Variants in GCH1 observed in about 807,000 individuals in gnomAD.
The protein encoded by GCH1 is GTP cyclohydrolase 1.
In GCH1, 5 loss-of-function variants were observed where a neutral mutation model predicts 25.9. The ratio of observed to expected loss-of-function variants is 0.19; its 90% CI spans 0.10 to 0.41. The LOEUF (loss-of-function observed/expected upper bound fraction) is 0.41. Ranked by LOEUF, GCH1 falls within the 10% of genes least tolerant of loss-of-function variation. GCH1 has a pLI of 1.00. For missense variants in GCH1, 261 were observed against 336.5 expected, an observed-to-expected ratio of 0.78 and a Z score of 1.75; for synonymous variants, 159 against 129.6, an observed-to-expected ratio of 1.23 and a Z score of -1.54.
At chr14:54,872,976 T>C (rs981637215) in intron 1 of GCH1, among the ~76,000 whole-genome samples, 2 of 151,278 alleles carry the variant, frequency 1.3e-5, no homozygotes, top group Admixed American at 6.6e-5. Context: ...TATCCAGGAA[T>C]TGAACTTAGC....
rs959966414 is a variant in GCH1, at chr14:54,869,810, C to G, written c.344-4374G>C. The stretch of plus-strand genomic sequence containing the variant: ...AAAAGTTTTCTAAAAAGCAAAAGGA[C>G]AATGTCCCTCAACTGGAACATATAA... On this transcript the variant is annotated intron_variant, in intron 1 of 5. Transcript: ENST00000491895. Among the ~76,000 whole-genome samples the G allele has an allele frequency of 2.6e-5, 4 of 152,182 alleles. No individual in the cohort carries two copies. In the East Asian group the frequency reaches 7.7e-4, roughly 29 times the overall value.
chr14:54,863,154 T>C (rs1673444697), intron 2 of GCH1, among the ~76,000 whole-genome samples: 2 of 152,048 alleles, frequency 1.3e-5, no homozygotes, highest in Admixed American at 6.6e-5. Flanking sequence ...GTGCGGTGGC[T>C]CACGCCTGTA....
intron 1 of GCH1, among the ~76,000 whole-genome samples, chr14:54,874,493 G>A (rs2040128951): frequency 6.6e-6 from 1 of 152,156 alleles, no homozygotes; most frequent in African/African-American, 2.4e-5. Flanking sequence ...TTCTGGCCAG[G>A]GCAATCAGGC....
At chr14:54,897,429 C>A (rs953047799) in intron 1 of GCH1, among the ~76,000 whole-genome samples, 3 of 152,042 alleles carry the variant, frequency 2.0e-5, no homozygotes, top group Admixed American at 2.0e-4. Flanking sequence ...GCTGGGATTA[C>A]AGGCATGCAC....
At chr14:54,873,241 A>C (rs1178907174) in intron 1 of GCH1, among the ~76,000 whole-genome samples, 1 of 152,232 alleles carries the variant, frequency 6.6e-6, no homozygotes, top group Non-Finnish European at 1.5e-5. Context: ...CTCCTGAATG[A>C]CTACTGGGTA....
chr14:54,875,145 AC>A (rs533426199), intron 1 of GCH1, among the ~76,000 whole-genome samples: 97 of 152,342 alleles, frequency 6.4e-4, no homozygotes, highest in African/African-American at 2.2e-3. Context: ...ATGGAACAGA[AC>A]ACAGCCCTCA....
intron 4 of GCH1, among the ~76,000 whole-genome samples, chr14:54,846,864 C>T (rs1328117493): frequency 2.0e-5 from 3 of 152,042 alleles, no homozygotes; most frequent in Non-Finnish European, 4.4e-5. Context: ...AGTTCGAGAC[C>T]AGCCTGATCA....
At position 54,859,716 on chromosome 14, in the gene GCH1, A is replaced by G. The variant is rs752768323; in HGVS notation, c.474T>C (p.Pro158=). 4 of 1,599,164 alleles carry G rather than the reference A, an allele frequency of 2.5e-6. No individual in the cohort carries two copies. The Admixed American group carries it at 6.7e-5, about 27-fold the overall frequency. ...FVGKVHIGYL[P]NKQVLGLSKL... ...TGCTGAGGCCAAGGACTTGCTTGTTAGGAAGATAACCAATATGGACCTTCA... is the reference window on the plus strand; with the variant it reads ...TGCTGAGGCCAAGGACTTGCTTGTTGGGAAGATAACCAATATGGACCTTCA... Residue 158 remains proline, a synonymous_variant, in exon 3 of 6, where the codon CCT becomes CCC. Transcript: ENST00000491895.
In GCH1 at chr14:54,846,013, C is replaced by A. The variant is rs1003521434; in HGVS notation, c.542-161G>T. Among the ~76,000 whole-genome samples, 4 of 152,160 alleles carry A rather than the reference C, an allele frequency of 2.6e-5. 1 individual carries two copies. The highest frequency in any genetic ancestry group is 5.9e-5 in the Non-Finnish European group (4 of 68,028). On this transcript the variant is annotated intron_variant, in intron 4 of 5. Coordinates refer to ENST00000491895, the MANE Select transcript of GCH1 (RefSeq NM_000161.3). ...AGACTGCTTTGTCTGCTGACTGGGC[C>A]ACAGAGAGGCCCGGATTCAACTCCC...
intron 1 of GCH1, among the ~76,000 whole-genome samples, chr14:54,888,519 T>G (rs1202611918): frequency 7.2e-6 from 1 of 139,480 alleles, no homozygotes; most frequent in Non-Finnish European, 1.5e-5. Context: ...CATACTAGTT[T>G]TTTTTTTTTT....
At chr14:54,870,450 A>G (rs2040054894) in intron 1 of GCH1, among the ~76,000 whole-genome samples, 1 of 151,350 alleles carries the variant, frequency 6.6e-6, no homozygotes, top group South Asian at 2.1e-4. Context: ...TGATTTCTGC[A>G]TTTCTAACTG....
rs1362834647 is a variant in GCH1, at chr14:54,842,178, T to G, written c.*1839A>C. The G allele has an allele frequency of 6.6e-6, 1 of 152,490 alleles. No individual in the cohort carries two copies. Among genetic ancestry groups the G allele is most frequent in the East Asian group, 1.9e-4 (1 of 5,198 alleles). The allele number at this position is 152,490 out of a possible 1,614,324, so 9.4% of individuals were successfully genotyped here. The stretch of plus-strand genomic sequence containing the variant: ...GATCATGGATATGAAAAGGTAATTT[T>G]GAAGTACTAAAGACTAGAGTAAAAC... On this transcript the variant is annotated 3_prime_UTR_variant, in exon 6 of 6. Coordinates refer to ENST00000491895, the MANE Select transcript of GCH1 (RefSeq NM_000161.3).
chr14:54,864,441 T>C (rs2039962884), intron 2 of GCH1, among the ~76,000 whole-genome samples: 1 of 152,146 alleles, frequency 6.6e-6, no homozygotes. Flanking sequence ...CTATACCACA[T>C]GTTCTCAAAG....
At chr14:54,856,429 T>G (rs1233575832) in intron 3 of GCH1, among the ~76,000 whole-genome samples, 1 of 152,120 alleles carries the variant, frequency 6.6e-6, no homozygotes, top group Non-Finnish European at 1.5e-5. Context: ...ATTCAAGATT[T>G]CGTACATTCA....
At chr14:54,896,594 C>T (rs1393521161) in intron 1 of GCH1, among the ~76,000 whole-genome samples, 2 of 152,060 alleles carry the variant, frequency 1.3e-5, no homozygotes, top group East Asian at 1.9e-4. Flanking sequence ...TGCACACACA[C>T]ACAATTATGC....
At chr14:54,846,192 C>T (rs1402273982) in intron 4 of GCH1, among the ~76,000 whole-genome samples, 4 of 152,188 alleles carry the variant, frequency 2.6e-5, no homozygotes, top group Non-Finnish European at 4.4e-5. Flanking sequence ...TAAAGTAGTG[C>T]AGCAAATAAA....
intron 3 of GCH1, among the ~76,000 whole-genome samples, chr14:54,855,505 CAAAAAAAAA>C (rs764999718): frequency 0.02 from 733 of 36,426 alleles, 11 homozygotes; most frequent in Non-Finnish European, 0.023. Context: ...GACCCTGTCT[CAAAAAAAAA>C]AAAAAAAAAA....
chr14:54,851,111 A>T (rs1005420649), intron 3 of GCH1, among the ~76,000 whole-genome samples: 1 of 152,236 alleles, frequency 6.6e-6, no homozygotes, highest in African/African-American at 2.4e-5. Context: ...TTTGACAAAC[A>T]TGACAAAAAC....
At chr14:54,871,527 G>C (rs1306510217) in intron 1 of GCH1, among the ~76,000 whole-genome samples, 1 of 152,198 alleles carries the variant, frequency 6.6e-6, no homozygotes, top group African/African-American at 2.4e-5. Flanking sequence ...AGAGAAAAAG[G>C]CTTCAGACGA....
Sources: gnomAD v4.1 joint callset for allele counts (sites outside exome capture counted in the v4.1 genomes callset) on GRCh38, gnomAD v4.1.1 for gene constraint, MANE v1.5 for transcripts, NCBI Gene and HGNC (gene_info 2026-07-23, HGNC 2026-07-21) for gene names.